Variants in CADM1 observed in about 807,000 individuals in gnomAD.
CADM1 encodes cell adhesion molecule 1, also known as TSLC-1.
A neutral mutation model predicts 53.1 loss-of-function variants in CADM1; 15 were observed. That is an observed-to-expected ratio of 0.28 (90% CI 0.19 to 0.44). The LOEUF (loss-of-function observed/expected upper bound fraction) is 0.44, where lower values mean the gene tolerates loss of function less well. Ranked by LOEUF, CADM1 falls within the 20% of genes least tolerant of loss-of-function variation. The pLI is 1.00. For missense variants in CADM1, 434 were observed against 611.3 expected, an observed-to-expected ratio of 0.71 and a Z score of 3.06; for synonymous variants, 281 against 243.0, an observed-to-expected ratio of 1.16 and a Z score of -1.45.
intron 1 of CADM1, among the ~76,000 whole-genome samples, chr11:115,346,926 A>C (rs965848397): frequency 2.4e-4 from 36 of 152,198 alleles, no homozygotes; most frequent in African/African-American, 8.4e-4. Context: ...AAAGAATAAT[A>C]ATACCAAACA....
chr11:115,375,940 A>G (rs1946427048), intron 1 of CADM1, among the ~76,000 whole-genome samples: 1 of 152,174 alleles, frequency 6.6e-6, no homozygotes, highest in African/African-American at 2.4e-5. Context: ...CACAAACATG[A>G]AATAACAATT....
rs559542478 is a variant in CADM1 at position 115,467,901 on chromosome 11, T to C, written c.124+36370A>G. ...CCATACATCCTCTGGAGAGAAGTCA[T>C]AAAGTTGTCTAAAGTTTACATTTCT... On this transcript the variant is annotated intron_variant, in intron 1 of 11. Transcript: ENST00000331581. Among the ~76,000 whole-genome samples, 9 of 152,330 alleles carry C rather than the reference T, an allele frequency of 5.9e-5. No individual in the cohort carries two copies. In the South Asian group the frequency reaches 1.0e-3, roughly 18 times the overall value.
chr11:115,314,101 C>T (rs1355705778), intron 1 of CADM1, among the ~76,000 whole-genome samples: 1 of 151,762 alleles, frequency 6.6e-6, no homozygotes, highest in Non-Finnish European at 1.5e-5. Flanking sequence ...TCTTCAAGGT[C>T]AACAAGTGAG....
chr11:115,179,732 T>A (rs920943128), intron 10 of CADM1, among the ~76,000 whole-genome samples: 2 of 152,220 alleles, frequency 1.3e-5, no homozygotes, highest in Non-Finnish European at 2.9e-5. Context: ...CTTTTTTTTT[T>A]ATTGAGTCAA....
chr11:115,322,468 A>C (rs765388283), intron 1 of CADM1, among the ~76,000 whole-genome samples: 3 of 152,212 alleles, frequency 2.0e-5, no homozygotes, highest in Non-Finnish European at 4.4e-5. Context: ...AATGACTTTG[A>C]ATATATTCAT....
chr11:115,466,687 A>C (rs12293387), intron 1 of CADM1, among the ~76,000 whole-genome samples: 1,632 of 152,322 alleles, frequency 0.011, 25 homozygotes, highest in African/African-American at 0.038. Context: ...ACACTCTTCA[A>C]AATTCTTTCA....
intron 1 of CADM1, among the ~76,000 whole-genome samples, chr11:115,305,797 A>G (rs2135147401): frequency 6.6e-6 from 1 of 151,452 alleles, no homozygotes; most frequent in East Asian, 1.9e-4. Context: ...AGAGCTAGAA[A>G]CAGACCAGCC....
At chr11:115,448,686 C>T (rs563064313) in intron 1 of CADM1, among the ~76,000 whole-genome samples, 136 of 151,766 alleles carry the variant, frequency 9.0e-4, no homozygotes, top group Non-Finnish European at 1.5e-3. Flanking sequence ...TGGGGTGGAG[C>T]GCCACTCCCA....
chr11:115,485,867 T>C (rs1949362491), intron 1 of CADM1, among the ~76,000 whole-genome samples: 1 of 152,236 alleles, frequency 6.6e-6, no homozygotes, highest in Non-Finnish European at 1.5e-5. Context: ...TAAACTCTTA[T>C]TTCAAACTGC....
At chr11:115,358,348 G>A (rs1945932849) in intron 1 of CADM1, among the ~76,000 whole-genome samples, 1 of 152,162 alleles carries the variant, frequency 6.6e-6, no homozygotes, top group African/African-American at 2.4e-5. Context: ...GGCCTCACGT[G>A]GCTGAGGAGG....
intron 3 of CADM1, among the ~76,000 whole-genome samples, chr11:115,235,592 G>C (rs1941983740): frequency 6.6e-6 from 1 of 152,194 alleles, no homozygotes; most frequent in African/African-American, 2.4e-5. Context: ...ATCTATAAGA[G>C]TGCTAATTAT....
chr11:115,342,553 T>C (rs941034817), intron 1 of CADM1, among the ~76,000 whole-genome samples: 2 of 152,184 alleles, frequency 1.3e-5, no homozygotes, highest in East Asian at 3.8e-4. Flanking sequence ...AATGGCCATA[T>C]GACAAACCTT....
At chr11:115,196,153 C>A (rs1350173482) in intron 9 of CADM1, among the ~76,000 whole-genome samples, 1 of 152,110 alleles carries the variant, frequency 6.6e-6, no homozygotes, top group Non-Finnish European at 1.5e-5. Context: ...ACCTCTATTA[C>A]CTGCCACAGA....
intron 1 of CADM1, among the ~76,000 whole-genome samples, chr11:115,258,489 G>A (rs1942864331): frequency 6.6e-6 from 1 of 152,166 alleles, no homozygotes; most frequent in Non-Finnish European, 1.5e-5. Flanking sequence ...AGGGAACTCC[G>A]AGATGCACTC....
chr11:115,396,267 A>G (rs887101970), intron 1 of CADM1, among the ~76,000 whole-genome samples: 1 of 152,224 alleles, frequency 6.6e-6, no homozygotes, highest in African/African-American at 2.4e-5. Flanking sequence ...ATGTGACCAC[A>G]TTAGATTTAA....
At chr11:115,412,481 G>C (rs971087968) in intron 1 of CADM1, among the ~76,000 whole-genome samples, 1 of 152,332 alleles carries the variant, frequency 6.6e-6, no homozygotes, top group East Asian at 1.9e-4. Context: ...TTACAGGCGT[G>C]AGCCACTGTG....
intron 1 of CADM1, among the ~76,000 whole-genome samples, chr11:115,383,391 T>C (rs1359048828): frequency 6.6e-6 from 1 of 152,252 alleles, no homozygotes; most frequent in Non-Finnish European, 1.5e-5. Context: ...TGAGATATGC[T>C]TCTATAGTTT....
intron 1 of CADM1, among the ~76,000 whole-genome samples, chr11:115,356,591 T>C (rs974744551): frequency 1.3e-5 from 2 of 152,188 alleles, no homozygotes; most frequent in African/African-American, 4.8e-5. Flanking sequence ...CATATCCTTA[T>C]AAGGGATTTT....
chr11:115,479,894 A>G (rs934797827), intron 1 of CADM1, among the ~76,000 whole-genome samples: 1 of 152,196 alleles, frequency 6.6e-6, no homozygotes, highest in Non-Finnish European at 1.5e-5. Context: ...CTCTAGATGG[A>G]GAGACTATTA....
Sources: allele counts gnomAD v4.1 joint callset (sites outside exome capture counted in the v4.1 genomes callset), GRCh38; gene constraint gnomAD v4.1.1; transcripts MANE v1.5; gene names NCBI Gene and HGNC (gene_info 2026-07-23, HGNC 2026-07-21).